Variants in PDSS2 observed in about 807,000 individuals in gnomAD.
The protein encoded by PDSS2 is all trans-polyprenyl-diphosphate synthase PDSS2.
PDSS2 carries 31 observed loss-of-function variants against 44.5 expected under a neutral mutation model. The ratio of observed to expected loss-of-function variants is 0.70; its 90% confidence interval spans 0.52 to 0.94. The LOEUF (loss-of-function observed/expected upper bound fraction) is 0.94. Among genes scored for constraint, PDSS2 ranks in the 40% least tolerant of loss-of-function variants. The probability of loss-of-function intolerance (pLI) is 0.00; values close to 1 mark genes in which losing one functional copy is unlikely to be tolerated. For missense variants in PDSS2, 452 were observed against 482.2 expected, an observed-to-expected ratio of 0.94 and a Z score of 0.59; for synonymous variants, 157 against 180.3, an observed-to-expected ratio of 0.87 and a Z score of 1.03.
At chr6:107,197,542 G>T (rs1232745598) in intron 6 of PDSS2, among the ~76,000 whole-genome samples, 1 of 151,746 alleles carries the variant, frequency 6.6e-6, no homozygotes, top group Non-Finnish European at 1.5e-5. Context: ...CACTCAGCTG[G>T]TGTCAGCTTG....
intron 7 of PDSS2, among the ~76,000 whole-genome samples, chr6:107,158,481 C>T (rs781951521): frequency 1.2e-4 from 18 of 151,612 alleles, no homozygotes; most frequent in African/African-American, 2.9e-4. Flanking sequence ...CACTGTGCTC[C>T]GCCAGAGGCC....
intron 2 of PDSS2, among the ~76,000 whole-genome samples, chr6:107,308,898 G>A (rs1254680369): frequency 6.6e-6 from 1 of 152,154 alleles, no homozygotes; most frequent in Non-Finnish European, 1.5e-5. Context: ...GACTGAAACT[G>A]GAATATGGGT....
intron 4 of PDSS2, among the ~76,000 whole-genome samples, chr6:107,227,473 A>C (rs894346434): frequency 6.6e-6 from 1 of 151,140 alleles, no homozygotes; most frequent in Non-Finnish European, 1.5e-5. Flanking sequence ...ACTTTTAGTA[A>C]AGGCGGGTTT....
At chr6:107,159,042 G>A (rs940268943) in intron 7 of PDSS2, among the ~76,000 whole-genome samples, 30 of 151,970 alleles carry the variant, frequency 2.0e-4, no homozygotes, top group African/African-American at 7.3e-4. Flanking sequence ...ACTGTTCTCA[G>A]TTCTAAGTGG....
At chr6:107,169,292 C>T (rs1164104291) in intron 7 of PDSS2, among the ~76,000 whole-genome samples, 2 of 152,090 alleles carry the variant, frequency 1.3e-5, no homozygotes, top group Non-Finnish European at 2.9e-5. Context: ...CTTGTGCATT[C>T]GTCACGTAGT....
chr6:107,232,078 A>G (rs910799219), intron 4 of PDSS2, among the ~76,000 whole-genome samples: 6 of 152,144 alleles, frequency 3.9e-5, no homozygotes, highest in Non-Finnish European at 8.8e-5. Context: ...TGTCTAGCAC[A>G]GTTGCTAGCA....
chr6:107,371,040 G>A (rs547447975), intron 1 of PDSS2, among the ~76,000 whole-genome samples: 18 of 152,058 alleles, frequency 1.2e-4, no homozygotes, highest in African/African-American at 7.2e-5. Context: ...AAAATTAGCC[G>A]GGCTTGGTGG....
intron 1 of PDSS2, among the ~76,000 whole-genome samples, chr6:107,375,320 T>C (rs551248755): frequency 9.2e-5 from 14 of 152,066 alleles, no homozygotes; most frequent in African/African-American, 3.4e-4. Flanking sequence ...ATAAACCAGA[T>C]ACACCTCTAG....
chr6:107,176,706 T>G (rs530355482), intron 7 of PDSS2, among the ~76,000 whole-genome samples: 22 of 152,274 alleles, frequency 1.4e-4, no homozygotes, highest in African/African-American at 5.3e-4. Flanking sequence ...TTCGTACAAA[T>G]TATCATAACT....
At chr6:107,293,581 A>G (rs550827523) in intron 2 of PDSS2, among the ~76,000 whole-genome samples, 5 of 152,242 alleles carry the variant, frequency 3.3e-5, no homozygotes, top group African/African-American at 1.2e-4. Context: ...TAAAGAACTG[A>G]TTACAAAGAG....
At chr6:107,161,482 G>GA (rs529825329) in intron 7 of PDSS2, among the ~76,000 whole-genome samples, 21,840 of 119,518 alleles carry the variant, frequency 0.18, 2,288 homozygotes, top group Middle Eastern at 0.29. Flanking sequence ...TCCGTCTCAG[G>GA]AAAAAAAAAA....
chr6:107,248,574 C>T (rs761893053), intron 3 of PDSS2, among the ~76,000 whole-genome samples: 1 of 148,586 alleles, frequency 6.7e-6, no homozygotes, highest in South Asian at 2.1e-4. Context: ...AGATTCTATT[C>T]CAAGGTCTAC....
chr6:107,277,286 A>G (rs1775815376), intron 2 of PDSS2, among the ~76,000 whole-genome samples: 3 of 152,228 alleles, frequency 2.0e-5, no homozygotes, highest in Admixed American at 2.0e-4. Flanking sequence ...AGGGCTTGGG[A>G]ACCCCAGAAT....
chr6:107,389,505 C>T (rs941501507), intron 1 of PDSS2, among the ~76,000 whole-genome samples: 3 of 152,050 alleles, frequency 2.0e-5, no homozygotes, highest in Non-Finnish European at 2.9e-5. Context: ...ATACTACAGT[C>T]GAACAAACAG....
At chr6:107,158,704 T>G (rs1432945288) in intron 7 of PDSS2, among the ~76,000 whole-genome samples, 4 of 151,252 alleles carry the variant, frequency 2.6e-5, no homozygotes, top group African/African-American at 7.3e-5. Flanking sequence ...AGCTTTATAA[T>G]CTTATGGAAA....
Position 107,264,193 on chromosome 6 carries a change from T to C in PDSS2, c.630+9836A>G, listed in dbSNP as rs549473391. 11 of 1,018,988 alleles carry C rather than the reference T, an allele frequency of 1.1e-5. No homozygotes were observed. The Admixed American group carries it at 1.7e-4, about 15-fold the overall frequency. The allele number at this position is 1,018,988 out of a possible 1,614,324, so 63.1% of individuals were successfully genotyped here. On this transcript the variant is annotated intron_variant, in intron 3 of 7. Coordinates refer to ENST00000369037, the MANE Select transcript of PDSS2 (RefSeq NM_020381.4). ...AGATAAGACAAACACAAATAGACAA[T>C]AGCATCTTTATTAAACTATATAGAT...
chr6:107,362,079 C>T (rs183134132), intron 1 of PDSS2, among the ~76,000 whole-genome samples: 11 of 152,260 alleles, frequency 7.2e-5, no homozygotes, highest in Admixed American at 2.0e-4. Flanking sequence ...GCAAACCTGA[C>T]GGGGGCAGGC....
intron 1 of PDSS2, among the ~76,000 whole-genome samples, chr6:107,448,697 T>C (rs560956115): frequency 1.3e-5 from 2 of 152,246 alleles, no homozygotes; most frequent in Non-Finnish European, 2.9e-5. Flanking sequence ...CATTTTCAGA[T>C]ATCTTTATAG....
chr6:107,450,216 A>G (rs539045029), intron 1 of PDSS2, among the ~76,000 whole-genome samples: 9 of 152,318 alleles, frequency 5.9e-5, no homozygotes, highest in African/African-American at 2.2e-4. Context: ...GTTGTTATGT[A>G]TGGACCACAG....
Sources: allele counts gnomAD v4.1 joint callset (sites outside exome capture counted in the v4.1 genomes callset), GRCh38; gene constraint gnomAD v4.1.1; transcripts MANE v1.5; gene names NCBI Gene and HGNC (gene_info 2026-07-23, HGNC 2026-07-21).